The following EXOC4 variants were observed in gnomAD, a reference collection of about 807,000 sequenced individuals.
EXOC4 encodes the protein SEC8-like 1.
EXOC4 carries 71 observed loss-of-function variants against 107.2 expected under a neutral mutation model. That is an observed-to-expected ratio of 0.66 (90% confidence interval 0.55 to 0.81). The LOEUF (loss-of-function observed/expected upper bound fraction) is 0.81. EXOC4 is among the 30% of genes least tolerant of loss of function. The pLI, the probability that EXOC4 is intolerant of heterozygous loss-of-function variation, is 0.00. For synonymous variants in EXOC4, 456 were observed against 441.2 expected (o/e 1.03, Z -0.42); for missense variants, 1,108 against 1,189.6 (o/e 0.93, Z 1.01).
At chr7:134,061,475 T>TG (rs113837148) in intron 17 of EXOC4, among the ~76,000 whole-genome samples, 502 of 152,294 alleles carry the variant, frequency 3.3e-3, no homozygotes, top group East Asian at 0.028. Flanking sequence ...TATCTGGGGA[T>TG]GGGGCCTCAG....
chr7:133,699,540 T>C (rs899674707), intron 10 of EXOC4, among the ~76,000 whole-genome samples: 2 of 152,198 alleles, frequency 1.3e-5, no homozygotes, highest in African/African-American at 4.8e-5. Flanking sequence ...AGGCAGTTGC[T>C]GGGCTGGTCT....
intron 17 of EXOC4, among the ~76,000 whole-genome samples, chr7:134,018,859 T>C (rs1241021666): frequency 6.6e-6 from 1 of 152,220 alleles, no homozygotes; most frequent in African/African-American, 2.4e-5. Flanking sequence ...ATCTGAAGTA[T>C]TTATGAAAAT....
chr7:134,030,206 G>A (rs117098315), intron 17 of EXOC4, among the ~76,000 whole-genome samples: 20 of 152,272 alleles, frequency 1.3e-4, no homozygotes, highest in South Asian at 2.1e-4. Flanking sequence ...TTAAAACCTC[G>A]TAAGATGCCC....
At chr7:133,403,893 A>G (rs1345274835) in intron 7 of EXOC4, among the ~76,000 whole-genome samples, 1 of 152,094 alleles carries the variant, frequency 6.6e-6, no homozygotes, top group Non-Finnish European at 1.5e-5. Flanking sequence ...ATCAGTTACT[A>G]AAGTCTAACA....
At chr7:133,584,563 T>G (rs972186562) in intron 9 of EXOC4, among the ~76,000 whole-genome samples, 2 of 148,124 alleles carry the variant, frequency 1.4e-5, no homozygotes, top group African/African-American at 4.9e-5. Context: ...CTTTGTTTTT[T>G]ACGTATTTCA....
intron 10 of EXOC4, among the ~76,000 whole-genome samples, chr7:133,657,075 A>G (rs961352504): frequency 2.0e-5 from 3 of 152,142 alleles, no homozygotes; most frequent in African/African-American, 7.2e-5. Context: ...CATTTCCTCT[A>G]GGAATTGAGG....
At chr7:133,538,444 CATA>C (rs1261039828) in intron 9 of EXOC4, among the ~76,000 whole-genome samples, 2 of 152,038 alleles carry the variant, frequency 1.3e-5, no homozygotes, top group Admixed American at 6.6e-5. Context: ...TGATTGAATG[CATA>C]ATATTCTTTA....
At chr7:133,431,844 C>T (rs1390512478) in intron 7 of EXOC4, among the ~76,000 whole-genome samples, 1 of 152,198 alleles carries the variant, frequency 6.6e-6, no homozygotes, top group Non-Finnish European at 1.5e-5. Flanking sequence ...GTATATTTCA[C>T]TTCCTTTTGA....
chr7:133,481,876 C>T (rs1799166706), intron 9 of EXOC4, among the ~76,000 whole-genome samples: 1 of 152,292 alleles, frequency 6.6e-6, no homozygotes, highest in East Asian at 1.9e-4. Context: ...AGCAGGCTTT[C>T]TCTGCCTCCC....
intron 6 of EXOC4, among the ~76,000 whole-genome samples, chr7:133,358,912 C>G (rs1202932367): frequency 6.6e-6 from 1 of 152,104 alleles, no homozygotes; most frequent in African/African-American, 2.4e-5. Flanking sequence ...AATGAGTCAG[C>G]AGCAGGATTT....
In EXOC4 at chr7:133,932,221, A is replaced by G. The variant is rs945996482; in HGVS notation, c.2028-5670A>G. On this transcript the variant is annotated intron_variant, in intron 13 of 17. Transcript: ENST00000253861. ...GCATTAACTTCTTATCGTACATGTTATATTTTGTGTAAAACCTTCATTTCC... is the reference window on the plus strand; with the variant it reads ...GCATTAACTTCTTATCGTACATGTTGTATTTTGTGTAAAACCTTCATTTCC... Among the ~76,000 whole-genome samples, 80 of 152,260 alleles carry G rather than the reference A, an allele frequency of 5.3e-4. 2 individuals are homozygous for G. Among genetic ancestry groups the G allele is most frequent in the Middle Eastern group, 3.4e-3 (1 of 294 alleles).
chr7:133,591,813 A>G (rs962435242), intron 9 of EXOC4, among the ~76,000 whole-genome samples: 1 of 152,100 alleles, frequency 6.6e-6, no homozygotes, highest in Non-Finnish European at 1.5e-5. Context: ...TAGGTTGGGG[A>G]ATCAATTAAA....
chr7:133,805,094 C>G (rs1252599925), intron 10 of EXOC4, among the ~76,000 whole-genome samples: 1 of 152,040 alleles, frequency 6.6e-6, no homozygotes, highest in East Asian at 1.9e-4. Flanking sequence ...GCAGTTGCTG[C>G]TCAGAAGGAA....
At chr7:133,607,105 A>T (rs1236535897) in intron 9 of EXOC4, among the ~76,000 whole-genome samples, 1 of 152,208 alleles carries the variant, frequency 6.6e-6, no homozygotes, top group African/African-American at 2.4e-5. Context: ...GGTTTACAAT[A>T]GTGAGGATAT....
At chr7:133,287,070 A>T (rs1037926638) in intron 2 of EXOC4, among the ~76,000 whole-genome samples, 1 of 151,936 alleles carries the variant, frequency 6.6e-6, no homozygotes, top group Non-Finnish European at 1.5e-5. Flanking sequence ...AGGTTTTCAG[A>T]TTTCTCTGGC....
At chr7:133,508,875 T>C (rs555013366) in intron 9 of EXOC4, among the ~76,000 whole-genome samples, 4 of 152,298 alleles carry the variant, frequency 2.6e-5, no homozygotes, top group Non-Finnish European at 5.9e-5. Flanking sequence ...TGAAAAATAA[T>C]AAAATGCTAT....
intron 9 of EXOC4, among the ~76,000 whole-genome samples, chr7:133,612,897 T>G (rs771334572): frequency 7.9e-5 from 12 of 152,218 alleles, no homozygotes; most frequent in Non-Finnish European, 1.2e-4. Flanking sequence ...GACCTTGTAC[T>G]GTACCTGTAC....
chr7:133,619,506 T>C (rs1195908632), intron 9 of EXOC4, among the ~76,000 whole-genome samples: 2 of 152,194 alleles, frequency 1.3e-5, no homozygotes, highest in Non-Finnish European at 2.9e-5. Context: ...TTGAGGTTTA[T>C]TCACATCAGA....
At position 133,921,604 on chromosome 7, in the gene EXOC4, A is replaced by G. The variant is rs181787655; in HGVS notation, c.2027+3866A>G. 6.1e-3 allele frequency among the ~76,000 whole-genome samples: 923 copies of G among 151,926 alleles called. 3 individuals are homozygous for G. Among genetic ancestry groups the G allele is most frequent in the Middle Eastern group, 0.01 (3 of 294 alleles). On this transcript the variant is annotated intron_variant, in intron 13 of 17. Transcript: ENST00000253861. ...GGATTTTTTTTCCTCTGGTTTCTTT[A>G]AAGATTTTTTTTGTCTTTGATTTTG...
Sources: gnomAD v4.1 joint callset for allele counts (sites outside exome capture counted in the v4.1 genomes callset) on GRCh38, gnomAD v4.1.1 for gene constraint, MANE v1.5 for transcripts, NCBI Gene and HGNC (gene_info 2026-07-23, HGNC 2026-07-21) for gene names.